MTARC2: variants seen among roughly 807,000 people sequenced by gnomAD.
MTARC2 encodes mitochondrial amidoxime reducing component 2.
MTARC2 carries 27 observed loss-of-function variants against 35.6 expected under a neutral mutation model. That is an observed-to-expected ratio of 0.76 (90% confidence interval 0.56 to 1.04). MTARC2 has a LOEUF of 1.04. MTARC2 is among the 50% of genes least tolerant of loss of function. MTARC2 has a pLI of 0.00. For missense variants in MTARC2, 412 were observed against 432.5 expected (o/e 0.95, Z 0.42); for synonymous variants, 158 against 167.1 (o/e 0.95, Z 0.42).
chr1:220,774,672 T>C (rs1354288388), intron 4 of MTARC2, among the ~76,000 whole-genome samples: 1 of 148,584 alleles, frequency 6.7e-6, no homozygotes, highest in Non-Finnish European at 1.5e-5. Flanking sequence ...ACTGCTGCTC[T>C]GATCTGTGGT....
In MTARC2 at chr1:220,748,800, A is replaced by G. The variant is rs1572287668; in HGVS notation, c.269A>G (p.Asp90Gly). 1.3e-6 allele frequency: 2 copies of G among 1,591,332 alleles called. No homozygotes were observed. Among genetic ancestry groups the G allele is most frequent in the Non-Finnish European group, 1.7e-6 (2 of 1,169,686 alleles). Residue 90 changes from aspartate to glycine, a missense_variant, in exon 1 of 8, where the codon GAC (aspartate) becomes GGC (glycine). Coordinates refer to ENST00000366913, the MANE Select transcript of MTARC2 (RefSeq NM_017898.5). ...AMGLRSGNLRDRFWLVIKEDG... is the reference protein window; with the variant it reads ...AMGLRSGNLRGRFWLVIKEDG... Reference sequence around the variant, plus strand: ...GGGCTGCGCAGCGGCAACCTGCGGGACAGGTACAGCACAGCGCGGGCGCGG... The same window carrying G: ...GGGCTGCGCAGCGGCAACCTGCGGGGCAGGTACAGCACAGCGCGGGCGCGG...
At chr1:220,781,383 G>A (rs12023249) in intron 6 of MTARC2, among the ~76,000 whole-genome samples, 2,465 of 152,264 alleles carry the variant, frequency 0.016, 43 homozygotes, top group East Asian at 0.056. Context: ...AAACCTGGAG[G>A]GGGTTGAAAG....
intron 4 of MTARC2, among the ~76,000 whole-genome samples, chr1:220,766,605 G>T (rs1671585158): frequency 6.6e-6 from 1 of 152,198 alleles, no homozygotes; most frequent in Non-Finnish European, 1.5e-5. Flanking sequence ...TTCCACTAAA[G>T]AACAGATTAT....
chr1:220,783,774 G>A, intron 7 of MTARC2, 145 bp from the exon 8 acceptor site: 1 of 624,064 alleles, frequency 1.6e-6, no homozygotes, highest in South Asian at 2.0e-5. Context: ...GTGAGTTAGA[G>A]CTAATGGGCC....
intron 6 of MTARC2, among the ~76,000 whole-genome samples, chr1:220,781,059 C>T (rs897518108): frequency 4.0e-5 from 6 of 149,992 alleles, no homozygotes; most frequent in Admixed American, 1.3e-4. Flanking sequence ...TAGTTCCCAA[C>T]GAAGATAGTG....
chr1:220,761,582 G>C, intron 2 of MTARC2, 76 bp from the exon 3 acceptor site: 1 of 1,427,642 alleles, frequency 7.0e-7, no homozygotes, highest in Non-Finnish European at 9.5e-7. Context: ...CAACAGTCCA[G>C]CTGTTCATTT....
chr1:220,760,556 G>T (rs1471004005), intron 2 of MTARC2, among the ~76,000 whole-genome samples: 1 of 152,022 alleles, frequency 6.6e-6, no homozygotes, highest in Admixed American at 6.5e-5. Context: ...GAGTTTTATG[G>T]ATATTTTATG....
chr1:220,754,334 T>A (rs747580366), intron 1 of MTARC2: 2 of 456,150 alleles, frequency 4.4e-6, no homozygotes, highest in African/African-American at 4.0e-5. Context: ...TTATCTAACA[T>A]GTGACTTCTG....
At chr1:220,774,950 T>A (rs1404781063) in intron 4 of MTARC2, among the ~76,000 whole-genome samples, 1 of 150,750 alleles carries the variant, frequency 6.6e-6, no homozygotes, top group African/African-American at 2.5e-5. Flanking sequence ...GACCCGTGTG[T>A]GTGCGTGTGT....
At chr1:220,755,223 A>G in intron 2 of MTARC2, 103 bp downstream of exon 2, 10 of 1,249,644 alleles carry the variant, frequency 8.0e-6, no homozygotes, top group Non-Finnish European at 1.1e-5. Flanking sequence ...AGAGGATGAC[A>G]TTGGTAAAGG....
In MTARC2 at chr1:220,752,322, T is replaced by C. The variant is rs187002175; in HGVS notation, c.273-2625T>C. 4.0e-5 allele frequency among the ~76,000 whole-genome samples: 6 copies of C among 151,658 alleles called. No individual in the cohort carries two copies. The East Asian group carries it at 1.2e-3, about 30-fold the overall frequency. ...TGCAGATCTCAAAGGGAGTCTTGTC[T>C]GGGGAAGGGGCATGTTGGAAGTTAA... On this transcript the variant is annotated intron_variant, in intron 1 of 7. Coordinates refer to ENST00000366913, the MANE Select transcript of MTARC2 (RefSeq NM_017898.5).
At chr1:220,765,401 A>G (rs1037614755) in intron 4 of MTARC2, among the ~76,000 whole-genome samples, 2 of 152,204 alleles carry the variant, frequency 1.3e-5, no homozygotes, top group Non-Finnish European at 2.9e-5. Context: ...GGAGCTGGTA[A>G]TAACTCTGAG....
intron 2 of MTARC2, among the ~76,000 whole-genome samples, chr1:220,761,261 G>A (rs1244760367): frequency 6.6e-6 from 1 of 152,210 alleles, no homozygotes; most frequent in Non-Finnish European, 1.5e-5. Context: ...TTTGACCCAG[G>A]TCTGTTGGAT....
At chr1:220,748,915 T>C (rs999713431) in intron 1 of MTARC2, 112 bp downstream of exon 1, 14 of 1,313,860 alleles carry the variant, frequency 1.1e-5, no homozygotes, top group Admixed American at 7.3e-5. Context: ...GCCACCTGAG[T>C]TTCTGGGCTG....
chr1:220,770,019 A>G (rs1671698545), intron 4 of MTARC2, among the ~76,000 whole-genome samples: 1 of 151,350 alleles, frequency 6.6e-6, no homozygotes, highest in Admixed American at 6.6e-5. Context: ...AGGCAGGAGA[A>G]TGGCGTGAAC....
At chr1:220,758,208 C>A (rs1452789258) in intron 2 of MTARC2, among the ~76,000 whole-genome samples, 1 of 152,088 alleles carries the variant, frequency 6.6e-6, no homozygotes, top group African/African-American at 2.4e-5. Context: ...TGGTCTCGAT[C>A]TCCTGACCTT....
rs34602928 is a variant in MTARC2, at chr1:220,774,071, GT to G, written c.751-5935del. On this transcript the variant is annotated intron_variant, in intron 4 of 7. Transcript: ENST00000366913. ...TTAATAGATATAGACTCACATCCTC[GT>G]TTTTTTTTTTTCAGACAGGGTCTCA... 4.1e-3 allele frequency among the ~76,000 whole-genome samples: 585 copies of G among 142,052 alleles called. 5 individuals are homozygous for G. Among genetic ancestry groups the G allele is most frequent in the African/African-American group, 0.014 (541 of 38,714 alleles). The allele number at this position is 142,052 out of a possible 152,430, so 93.2% of individuals were successfully genotyped here. A position where few individuals can be genotyped will look rare whatever the true frequency, so the allele number is the denominator to read the frequency against.
Position 220,754,984 on chromosome 1 carries a change from A to G in MTARC2, c.310A>G (p.Thr104Ala). 1 of 1,608,020 alleles carries G rather than the reference A, an allele frequency of 6.2e-7. No individual in the cohort carries two copies. Among genetic ancestry groups the G allele is most frequent in the Non-Finnish European group, 8.5e-7 (1 of 1,177,316 alleles). ...LVIKEDGHMV[T>A]ARQEPRLVLI... ...GATTAAGGAAGATGGACACATGGTC[A>G]CTGCCCGACAGGAGCCTCGCCTCGT... The change falls in exon 2 of 8, where the codon ACT (threonine) becomes GCT (alanine). Residue 104 changes from threonine to alanine, a missense_variant. Physicochemically the swap from Thr to Ala is moderately conservative, Grantham distance 58. Transcript: ENST00000366913.
intron 2 of MTARC2, among the ~76,000 whole-genome samples, chr1:220,759,495 G>C (rs963600828): frequency 2.2e-5 from 3 of 135,152 alleles, no homozygotes; most frequent in African/African-American, 5.0e-5. Flanking sequence ...CTTCCATCGG[G>C]GGGAAGGGGC....
Sources: allele counts gnomAD v4.1 joint callset (sites outside exome capture counted in the v4.1 genomes callset), GRCh38; gene constraint gnomAD v4.1.1; transcripts MANE v1.5; gene names NCBI Gene and HGNC (gene_info 2026-07-23, HGNC 2026-07-21).